The following KAZN variants were observed in gnomAD, a reference collection of about 807,000 sequenced individuals.
The protein encoded by KAZN is kazrin, periplakin interacting protein, also known as kazrin.
A neutral mutation model predicts 87.4 loss-of-function variants in KAZN; 40 were observed. The observed-to-expected ratio is 0.46, with a 90% CI of 0.36 to 0.60. The LOEUF (loss-of-function observed/expected upper bound fraction) is 0.60. Among genes scored for constraint, KAZN ranks in the 20% least tolerant of loss-of-function variants. KAZN has a pLI of 0.00. For synonymous variants in KAZN, 466 were observed against 458.3 expected, an observed-to-expected ratio of 1.02 and a Z score of -0.22; for missense variants, 898 against 1,073.9, an observed-to-expected ratio of 0.84 and a Z score of 2.29.
intron 2 of KAZN, among the ~76,000 whole-genome samples, chr1:14,586,638 C>T (rs1014070241): frequency 2.0e-5 from 3 of 151,648 alleles, no homozygotes; most frequent in African/African-American, 7.3e-5. Context: ...TCAAGTGACC[C>T]TCCGGCTTTG....
At chr1:14,049,724 T>A (rs1642229904) in intron 1 of KAZN, among the ~76,000 whole-genome samples, 1 of 152,190 alleles carries the variant, frequency 6.6e-6, no homozygotes, top group Non-Finnish European at 1.5e-5. Flanking sequence ...GCTCAACTGA[T>A]GTTGACGGAG....
intron 2 of KAZN, among the ~76,000 whole-genome samples, chr1:14,430,998 G>A (rs1008244073): frequency 1.3e-5 from 2 of 152,208 alleles, no homozygotes; most frequent in African/African-American, 4.8e-5. Context: ...TATAGACCCA[G>A]AAAATTATGT....
chr1:13,926,929 A>G (rs1373471742), intron 1 of KAZN, among the ~76,000 whole-genome samples: 1 of 152,232 alleles, frequency 6.6e-6, no homozygotes, highest in Non-Finnish European at 1.5e-5. Flanking sequence ...TGCTCAAAGA[A>G]AAAAACCTGC....
At chr1:14,852,792 A>T (rs1187217430) in intron 1 of KAZN, among the ~76,000 whole-genome samples, 1 of 152,158 alleles carries the variant, frequency 6.6e-6, no homozygotes, top group African/African-American at 2.4e-5. Flanking sequence ...GTTAGCTTTT[A>T]TTGTGTGTCC....
chr1:14,377,516 A>G (rs1334386939), intron 2 of KAZN, among the ~76,000 whole-genome samples: 2 of 152,150 alleles, frequency 1.3e-5, no homozygotes, highest in African/African-American at 4.8e-5. Context: ...ATTCTCAACA[A>G]TCTCGACTCC....
intron 1 of KAZN, among the ~76,000 whole-genome samples, chr1:14,903,321 G>A (rs776674183): frequency 5.3e-5 from 8 of 152,208 alleles, no homozygotes; most frequent in Non-Finnish European, 8.8e-5. Context: ...GAAGTGGCCC[G>A]CTTTGAGCAG....
chr1:14,194,755 C>A (rs1646492149), intron 2 of KAZN, among the ~76,000 whole-genome samples: 3 of 152,126 alleles, frequency 2.0e-5, no homozygotes, highest in Admixed American at 2.0e-4. Flanking sequence ...GGGAACGTAG[C>A]CAGCCTAAAT....
chr1:14,764,420 C>T (rs1025509369), intron 1 of KAZN, among the ~76,000 whole-genome samples: 4 of 137,128 alleles, frequency 2.9e-5, no homozygotes, highest in Non-Finnish European at 6.2e-5. Flanking sequence ...CTTCCCTGTT[C>T]CTTTTTTTCC....
chr1:14,487,544 G>T (rs1178910377), intron 2 of KAZN, among the ~76,000 whole-genome samples: 2 of 152,196 alleles, frequency 1.3e-5, no homozygotes, highest in Admixed American at 1.3e-4. Context: ...GAGAGATGAA[G>T]AAATTAGCTA....
intron 1 of KAZN, among the ~76,000 whole-genome samples, chr1:14,014,846 A>G (rs1640488244): frequency 1.3e-5 from 2 of 152,182 alleles, no homozygotes; most frequent in Non-Finnish European, 2.9e-5. Context: ...GTGCTACCCT[A>G]ATCCGATTTG....
chr1:14,533,480 C>A (rs1672321195), intron 2 of KAZN, among the ~76,000 whole-genome samples: 4 of 152,218 alleles, frequency 2.6e-5, no homozygotes, highest in Non-Finnish European at 5.9e-5. Context: ...TGTCCCAAGG[C>A]CAGCAATCTT....
chr1:14,856,604 A>G lies in KAZN; in HGVS notation c.227-104080A>G, dbSNP rs897766174. 1.2e-4 allele frequency among the ~76,000 whole-genome samples: 19 copies of G among 152,232 alleles called. No homozygotes were observed. Among genetic ancestry groups the G allele is most frequent in the African/African-American group, 3.4e-4 (14 of 41,462 alleles). ...TTATTTCTATTTTGGTAGCTCAACA[A>G]TTCACTAAGTGTGATGCAGCCACAC... On this transcript the variant is annotated intron_variant, in intron 1 of 14. Transcript: ENST00000376030. The surrounding 1 kb of genome is among the most constrained non-coding windows in gnomAD (Gnocchi z 5.2).
At chr1:14,561,704 G>C (rs1674263289) in intron 2 of KAZN, among the ~76,000 whole-genome samples, 1 of 152,094 alleles carries the variant, frequency 6.6e-6, no homozygotes, top group Non-Finnish European at 1.5e-5. Flanking sequence ...AGGAGTTCAA[G>C]ACAGACCTGG....
intron 1 of KAZN, among the ~76,000 whole-genome samples, chr1:14,681,782 G>A (rs2148763751): frequency 7.0e-6 from 1 of 142,068 alleles, no homozygotes; most frequent in Non-Finnish European, 1.5e-5. Context: ...CTCCCGGGAG[G>A]CGTTCTCCTG....
chr1:15,001,696 G>GCTGGAGT (rs1322370171), intron 2 of KAZN, among the ~76,000 whole-genome samples: 4 of 151,904 alleles, frequency 2.6e-5, no homozygotes, highest in Admixed American at 1.3e-4. Context: ...TCCTTCAACT[G>GCTGGAGT]CTGGAGTGCT....
intron 1 of KAZN, among the ~76,000 whole-genome samples, chr1:14,781,589 A>T (rs962438103): frequency 6.6e-6 from 1 of 152,218 alleles, no homozygotes; most frequent in Non-Finnish European, 1.5e-5. Context: ...TCCAGATAGG[A>T]GGGGACCTTC....
At chr1:14,354,645 G>GACACACACACACACACACAC in intron 2 of KAZN, among the ~76,000 whole-genome samples, 1 of 141,464 alleles carries the variant, frequency 7.1e-6, no homozygotes. Flanking sequence ...AGCTAAATTA[G>GACACACACACACACACACAC]ACACACACAC....
intron 2 of KAZN, among the ~76,000 whole-genome samples, chr1:15,030,619 C>T (rs562689969): frequency 5.3e-5 from 8 of 152,226 alleles, no homozygotes; most frequent in Non-Finnish European, 1.2e-4. Context: ...GTGGTCGCAT[C>T]ATGTTAGGGG....
At chr1:14,816,917 A>T (rs1646583859) in intron 1 of KAZN, among the ~76,000 whole-genome samples, 1 of 152,186 alleles carries the variant, frequency 6.6e-6, no homozygotes, top group Non-Finnish European at 1.5e-5. Context: ...ACAGAGATCA[A>T]AAGAATTCTG....
Sources: gnomAD v4.1 joint callset for allele counts (sites outside exome capture counted in the v4.1 genomes callset) on GRCh38, gnomAD v4.1.1 for gene constraint, Gnocchi (gnomAD v3.1) non-coding constraint, MANE v1.5 for transcripts, NCBI Gene and HGNC (gene_info 2026-07-23, HGNC 2026-07-21) for gene names.